The following NYAP2 variants were observed in gnomAD, a reference collection of about 807,000 sequenced individuals.
NYAP2 encodes neuronal tyrosine-phosphorylated phosphoinositide-3-kinase adapter 2.
In NYAP2, 23 loss-of-function variants were observed where a neutral mutation model predicts 50.4. The observed-to-expected ratio is 0.46, with a 90% CI of 0.33 to 0.65. The LOEUF is 0.65. NYAP2 is among the 30% of genes least tolerant of loss of function. The pLI is 0.02. For synonymous variants in NYAP2, 394 were observed against 365.2 expected (o/e 1.08, Z -0.90); for missense variants, 885 against 861.0 (o/e 1.03, Z -0.35).
At chr2:225,679,113 A>G in the NYAP2 span, among the ~76,000 whole-genome samples, 1 of 152,280 alleles carries the variant, frequency 6.6e-6, no homozygotes, top group African/African-American at 2.4e-5. Flanking sequence ...TCAGGGGAAA[A>G]TGTAGCTTAA....
At chr2:225,638,810 T>C (rs1471981708) in intron 6 of NYAP2, among the ~76,000 whole-genome samples, 1 of 152,106 alleles carries the variant, frequency 6.6e-6, no homozygotes, top group Non-Finnish European at 1.5e-5. Context: ...CTCTCTCCTG[T>C]TTCTGCCCAG....
At chr2:225,540,994 T>C (rs1691459078) in intron 4 of NYAP2, among the ~76,000 whole-genome samples, 1 of 152,120 alleles carries the variant, frequency 6.6e-6, no homozygotes, top group Admixed American at 6.5e-5. Context: ...TTAATTTTGA[T>C]GAGATGATAT....
the NYAP2 span, among the ~76,000 whole-genome samples, chr2:225,697,130 G>A: frequency 7.7e-3 from 1,176 of 151,980 alleles, 26 homozygotes; most frequent in African/African-American, 0.027. Flanking sequence ...TTTTATTGCC[G>A]CCCTTGTGTG....
intron 5 of NYAP2, among the ~76,000 whole-genome samples, chr2:225,599,438 G>A (rs1027635216): frequency 6.6e-6 from 1 of 152,200 alleles, no homozygotes; most frequent in African/African-American, 2.4e-5. Flanking sequence ...AGAAGGTCAT[G>A]AATTAGGAAG....
intron 4 of NYAP2, among the ~76,000 whole-genome samples, chr2:225,577,408 C>T (rs1191115547): frequency 6.6e-6 from 1 of 151,940 alleles, no homozygotes; most frequent in Non-Finnish European, 1.5e-5. Flanking sequence ...ATGTATGTAA[C>T]TCAAGACTAT....
At chr2:225,510,582 G>A (rs77040513) in intron 3 of NYAP2, among the ~76,000 whole-genome samples, 1,544 of 152,206 alleles carry the variant, frequency 0.01, 25 homozygotes, top group African/African-American at 0.035. Flanking sequence ...ACCTTTCTGG[G>A]TCTCTTGAAC....
At chr2:225,604,028 C>A (rs1342652066) in intron 5 of NYAP2, among the ~76,000 whole-genome samples, 2 of 152,030 alleles carry the variant, frequency 1.3e-5, no homozygotes. Flanking sequence ...TAAGGAATAA[C>A]ATCTAAGACA....
chr2:225,597,469 A>G (rs1266525618), intron 5 of NYAP2, among the ~76,000 whole-genome samples: 1 of 137,004 alleles, frequency 7.3e-6, no homozygotes, highest in Non-Finnish European at 1.6e-5. Context: ...TGTGAATGCC[A>G]TTATTTCATT....
At chr2:225,451,955 T>C (rs549632852) in intron 3 of NYAP2, among the ~76,000 whole-genome samples, 32 of 152,036 alleles carry the variant, frequency 2.1e-4, no homozygotes, top group Non-Finnish European at 1.3e-4. Flanking sequence ...TATATGCACA[T>C]ACACACACAC....
At chr2:225,533,159 T>C (rs1691287361) in intron 4 of NYAP2, among the ~76,000 whole-genome samples, 1 of 152,186 alleles carries the variant, frequency 6.6e-6, no homozygotes, top group Admixed American at 6.5e-5. Context: ...TAAGGACATA[T>C]GTATTTTAGA....
intron 3 of NYAP2, among the ~76,000 whole-genome samples, chr2:225,495,352 C>T (rs527607638): frequency 1.3e-5 from 2 of 152,216 alleles, no homozygotes; most frequent in Admixed American, 6.5e-5. Context: ...TTGAACTCGA[C>T]TGGAGGATTG....
intron 3 of NYAP2, among the ~76,000 whole-genome samples, chr2:225,446,867 A>G (rs1009701358): frequency 1.3e-5 from 2 of 152,198 alleles, no homozygotes; most frequent in Non-Finnish European, 2.9e-5. Context: ...TTACACAGAT[A>G]GCAAAGGCAA....
intron 4 of NYAP2, among the ~76,000 whole-genome samples, chr2:225,568,919 TA>T: frequency 6.6e-6 from 1 of 151,902 alleles, no homozygotes; most frequent in Admixed American, 6.6e-5. Flanking sequence ...GAAAATCAAC[TA>T]AAAAAAGGGA....
chr2:225,681,888 CT>C, the NYAP2 span, among the ~76,000 whole-genome samples: 2 of 152,154 alleles, frequency 1.3e-5, no homozygotes, highest in Non-Finnish European at 2.9e-5. Flanking sequence ...CCTTATAAGG[CT>C]GGTGTGAGTA....
chr2:225,408,911 C>T, exon 3 of NYAP2: 2 of 1,610,440 alleles, frequency 1.2e-6, no homozygotes, highest in Non-Finnish European at 1.7e-6. Flanking sequence ...GAGTTCTAAT[C>T]CTGAGGAAGA....
intron 4 of NYAP2, among the ~76,000 whole-genome samples, chr2:225,538,920 C>A (rs753484473): frequency 6.6e-6 from 1 of 151,166 alleles, no homozygotes; most frequent in African/African-American, 2.4e-5. Flanking sequence ...TAGGTATACA[C>A]GTGCCATGGT....
In NYAP2 at chr2:225,582,386, T is replaced by C. The variant is rs2106229612; in HGVS notation, c.969T>C (p.Pro323=). Residue 323 remains proline (P), a synonymous_variant, in exon 5 of 7, where the codon CCT becomes CCC. Coordinates refer to ENST00000636099, the Ensembl canonical transcript of NYAP2. The surrounding 1 kb of genome is among the most constrained non-coding windows in gnomAD (Gnocchi z 7.0). ...CCAAGGGGCTGCTTTGCGACATCCCTCCGCCCTTCCCCAACCTGCTTTCTC... is the reference window on the plus strand; with the variant it reads ...CCAAGGGGCTGCTTTGCGACATCCCCCCGCCCTTCCCCAACCTGCTTTCTC... The C allele has an allele frequency of 6.2e-7, 1 of 1,609,400 alleles. No homozygotes were observed. Among genetic ancestry groups the C allele is most frequent in the Non-Finnish European group, 8.5e-7 (1 of 1,176,568 alleles).
At chr2:225,571,540 T>G (rs1326184892) in intron 4 of NYAP2, among the ~76,000 whole-genome samples, 1 of 152,256 alleles carries the variant, frequency 6.6e-6, no homozygotes, top group Non-Finnish European at 1.5e-5. Flanking sequence ...ACTTGCATCC[T>G]TTGAAGCAAT....
chr2:225,663,441 C>T, the NYAP2 span, among the ~76,000 whole-genome samples: 2 of 152,204 alleles, frequency 1.3e-5, no homozygotes, highest in Non-Finnish European at 2.9e-5. Flanking sequence ...GCTTGGATTT[C>T]AAGGCCCTGT....
Sources: gnomAD v4.1 joint callset for allele counts (sites outside exome capture counted in the v4.1 genomes callset) on GRCh38, gnomAD v4.1.1 for gene constraint, Gnocchi (gnomAD v3.1) non-coding constraint, MANE v1.5 for transcripts, NCBI Gene and HGNC (gene_info 2026-07-23, HGNC 2026-07-21) for gene names.